Variants in PLAC1 observed in about 807,000 individuals in gnomAD.
PLAC1 encodes placenta associated 1, also known as placenta-specific protein 1.
For missense variants in PLAC1, 136 were observed against 163.2 expected, an observed-to-expected ratio of 0.83 and a Z score of 0.91; for synonymous variants, 68 against 62.1, an observed-to-expected ratio of 1.09 and a Z score of -0.44.
At chrX:134,762,821 CAAAAAAAAAA>C (rs60721487) in intron 1 of PLAC1, among the ~76,000 whole-genome samples, 2 of 14,822 alleles carry the variant, frequency 1.3e-4, no homozygotes, top group Non-Finnish European at 1.7e-4. Context: ...GGCTCTATCT[CAAAAAAAAAA>C]AAAAAAAAAA....
intron 1 of PLAC1, among the ~76,000 whole-genome samples, chrX:134,734,808 G>A (rs2078698736): frequency 9.0e-6 from 1 of 110,902 alleles, no homozygotes; most frequent in Non-Finnish European, 1.9e-5. Flanking sequence ...CTGGCATGTG[G>A]GGGATACTGT....
intron 2 of PLAC1, among the ~76,000 whole-genome samples, chrX:134,731,779 T>C (rs2078689452): frequency 8.9e-6 from 1 of 111,774 alleles, no homozygotes; most frequent in African/African-American, 3.3e-5. Context: ...TCCAAAAATA[T>C]CTACACTATG....
chrX:134,610,540 C>G (rs2078147532), intron 1 of PLAC1, among the ~76,000 whole-genome samples: 1 of 111,628 alleles, frequency 9.0e-6, no homozygotes, highest in Non-Finnish European at 1.9e-5. Flanking sequence ...ACTCTGGCTG[C>G]CTTTGCCATG....
At chrX:134,571,868 C>A (rs1482789682) in intron 2 of PLAC1, among the ~76,000 whole-genome samples, 1 of 111,540 alleles carries the variant, frequency 9.0e-6, no homozygotes, top group Non-Finnish European at 1.9e-5. Context: ...GGTTTTGGAA[C>A]GGTTTGGAAA....
At chrX:134,740,729 A>G (rs2078715175) in intron 1 of PLAC1, among the ~76,000 whole-genome samples, 1 of 111,945 alleles carries the variant, frequency 8.9e-6, no homozygotes, top group Non-Finnish European at 1.9e-5. Context: ...TCATTATAAG[A>G]GATGGCAAAG....
intron 1 of PLAC1, among the ~76,000 whole-genome samples, chrX:134,735,186 G>A (rs957606680): frequency 4.5e-5 from 5 of 111,513 alleles, no homozygotes; most frequent in African/African-American, 9.8e-5. Context: ...CTAGTGCCAC[G>A]GCTATAAGGA....
intron 1 of PLAC1, among the ~76,000 whole-genome samples, chrX:134,631,170 C>T (rs2078259451): frequency 8.9e-6 from 1 of 112,671 alleles, no homozygotes; most frequent in African/African-American, 3.2e-5. Context: ...ATATTGTGAA[C>T]GTACGAAATG....
At chrX:134,597,078 G>C (rs1364161633) in intron 2 of PLAC1, among the ~76,000 whole-genome samples, 1 of 111,153 alleles carries the variant, frequency 9.0e-6, no homozygotes, top group Non-Finnish European at 1.9e-5. Flanking sequence ...ATTATTCCTT[G>C]AAATACTTTT....
At chrX:134,693,477 C>A (rs1435497612) in intron 2 of PLAC1, among the ~76,000 whole-genome samples, 2 of 112,153 alleles carry the variant, frequency 1.8e-5, no homozygotes, top group African/African-American at 3.2e-5. Flanking sequence ...ACAGAACAAT[C>A]CTGCAAGGAA....
At chrX:134,737,214 G>A (rs923877831) in intron 1 of PLAC1, among the ~76,000 whole-genome samples, 6 of 112,313 alleles carry the variant, frequency 5.3e-5, no homozygotes, top group African/African-American at 1.9e-4. Flanking sequence ...TATGATTAGT[G>A]GACTAATAAC....
chrX:134,707,179 A>C (rs1217543212), intron 2 of PLAC1, among the ~76,000 whole-genome samples: 6 of 112,386 alleles, frequency 5.3e-5, no homozygotes, highest in Non-Finnish European at 3.8e-5. Flanking sequence ...GGTATTTTTT[A>C]AGTACTGAAA....
intron 1 of PLAC1, among the ~76,000 whole-genome samples, chrX:134,749,934 T>C (rs2078737237): frequency 1.8e-5 from 2 of 111,435 alleles, no homozygotes; most frequent in Admixed American, 9.5e-5. Flanking sequence ...ACCCGAAAGC[T>C]CTTTTGCTTG....
intron 1 of PLAC1, among the ~76,000 whole-genome samples, chrX:134,656,555 T>C (rs920662635): frequency 1.8e-5 from 2 of 111,622 alleles, no homozygotes; most frequent in African/African-American, 6.5e-5. Context: ...ATACTAGTCT[T>C]ATTGCCCACT....
At position 134,756,077 on chromosome X, in the gene PLAC1, T is replaced by G. The variant is rs756950645; in HGVS notation, n.89+8157A>C. Among the ~76,000 whole-genome samples the G allele has an allele frequency of 9.2e-5, 10 of 108,867 alleles. No homozygotes were observed. In the South Asian group the frequency reaches 3.2e-3, roughly 35 times the overall value. 94.5% of individuals were successfully genotyped at this position (108,867 alleles called of 115,157 possible). A position where few individuals can be genotyped will look rare whatever the true frequency, so the allele number is the denominator to read the frequency against. ...CGTGTTAGCCAGGATGGTCTCTATC[T>G]CCTGTCCTCGAGATCCGCCCGCCTT... On this transcript the variant is annotated intron_variant and non_coding_transcript_variant, in intron 1 of 2. Coordinates refer to the PLAC1 transcript ENST00000466797.
chrX:134,760,228 A>AAATGCC (rs1435564510), intron 1 of PLAC1: 1 of 111,962 alleles, frequency 8.9e-6, no homozygotes, highest in Non-Finnish European at 1.9e-5. Context: ...GACTGTCAAA[A>AAATGCC]AATGCCAACG....
intron 2 of PLAC1, among the ~76,000 whole-genome samples, chrX:134,713,295 A>G (rs1276415798): frequency 8.9e-6 from 1 of 112,532 alleles, no homozygotes; most frequent in Admixed American, 9.4e-5. Flanking sequence ...ATGAAAAATA[A>G]TATTCTGTTA....
At chrX:134,668,374 T>A (rs185749550) in intron 2 of PLAC1, among the ~76,000 whole-genome samples, 1 of 111,566 alleles carries the variant, frequency 9.0e-6, no homozygotes, top group Admixed American at 9.4e-5. Flanking sequence ...CTTTCTGGAG[T>A]AATGACAATA....
chrX:134,638,692 G>T (rs1474893451), intron 1 of PLAC1, among the ~76,000 whole-genome samples: 3 of 110,015 alleles, frequency 2.7e-5, no homozygotes, highest in Non-Finnish European at 5.7e-5. Context: ...TAATTCTTTG[G>T]TCCTGCTCTT....
In PLAC1 at chrX:134,704,615, G is replaced by T. The variant is rs778945839; in HGVS notation, n.174+28820C>A. Among the ~76,000 whole-genome samples, 13 of 103,860 alleles carry T rather than the reference G, an allele frequency of 1.3e-4. No individual in the cohort carries two copies. The East Asian group carries it at 3.8e-3, about 31-fold the overall frequency. The allele number at this position is 103,860 out of a possible 115,157, so 90.2% of individuals were successfully genotyped here. Reference sequence around the variant, plus strand: ...TCACAATAATTACAAACATATTAAAGTATTCTACTTTAATATATATTTATA... The same window carrying T: ...TCACAATAATTACAAACATATTAAATTATTCTACTTTAATATATATTTATA... On this transcript the variant is annotated intron_variant and non_coding_transcript_variant, in intron 2 of 2. Transcript: ENST00000466797.
Sources: gnomAD v4.1 joint callset for allele counts (sites outside exome capture counted in the v4.1 genomes callset) on GRCh38, gnomAD v4.1.1 for gene constraint, MANE v1.5 for transcripts, NCBI Gene and HGNC (gene_info 2026-07-23, HGNC 2026-07-21) for gene names.